PDE7A: variants seen among roughly 807,000 people sequenced by gnomAD.
PDE7A encodes phosphodiesterase 7A.
Under a neutral mutation model 64.3 loss-of-function variants are expected in PDE7A, and 39 were observed. That is an observed-to-expected ratio of 0.61 (90% CI 0.47 to 0.79). The LOEUF (loss-of-function observed/expected upper bound fraction) is 0.79. Among genes scored for constraint, PDE7A ranks in the 30% least tolerant of loss-of-function variants. The pLI is 0.00. For missense variants in PDE7A, 470 were observed against 582.8 expected (o/e 0.81, Z 1.99); for synonymous variants, 203 against 206.8 (o/e 0.98, Z 0.16).
At chr8:65,838,328 T>G (rs1222795769) in intron 1 of PDE7A, 1 of 152,226 alleles carries the variant, frequency 6.6e-6, no homozygotes, top group Non-Finnish European at 1.5e-5. Context: ...GACAAATCTT[T>G]AAACTCAGCT....
At chr8:65,792,516 C>G (rs969610259) in intron 1 of PDE7A, among the ~76,000 whole-genome samples, 3 of 152,248 alleles carry the variant, frequency 2.0e-5, no homozygotes, top group African/African-American at 7.2e-5. Context: ...GCATGTCCCT[C>G]TCTTGCCCAA....
At position 65,754,247 on chromosome 8, in the gene PDE7A, C is replaced by T. The variant is rs374585305; in HGVS notation, c.284-6444G>A. Among the ~76,000 whole-genome samples the T allele has an allele frequency of 6.8e-4, 103 of 152,000 alleles. 2 individuals are homozygous for T. Among genetic ancestry groups the T allele is most frequent in the Admixed American group, 9.2e-4 (14 of 15,264 alleles). ...GCTGGCAGCTGATTAGATGGTGCCC[C>T]CCCGCCCCAAGATTGAGGGTGCGTC... On this transcript the variant is annotated intron_variant, in intron 3 of 12. Coordinates refer to ENST00000401827, the MANE Select transcript of PDE7A (RefSeq NM_001242318.3).
intron 1 of PDE7A, among the ~76,000 whole-genome samples, chr8:65,813,568 T>C (rs1487180431): frequency 6.6e-6 from 1 of 152,174 alleles, no homozygotes; most frequent in Non-Finnish European, 1.5e-5. Context: ...GACAAAAATA[T>C]AAAAACAAGT....
In PDE7A at chr8:65,718,222, C is replaced by T. The variant is rs1806220262; in HGVS notation, c.*1068G>A. 6.6e-6 allele frequency: 1 copy of T among 152,182 alleles called. No individual in the cohort carries two copies. The highest frequency in any genetic ancestry group is 2.4e-5 in the African/African-American group (1 of 41,438). The allele number at this position is 152,182 out of a possible 1,614,324, so 9.4% of individuals were successfully genotyped here. ...TTCTAAAATAATAAATAAAAGCTTA[C>T]ATTTCAAATCTTTGCCCACATGGAG... is the stretch of plus-strand genomic sequence containing the variant. On this transcript the variant is annotated 3_prime_UTR_variant, in exon 13 of 13. Coordinates refer to ENST00000401827, the MANE Select transcript of PDE7A (RefSeq NM_001242318.3).
intron 3 of PDE7A, among the ~76,000 whole-genome samples, chr8:65,762,514 GTTCTGTGACA>G (rs2128915122): frequency 6.6e-6 from 1 of 152,200 alleles, no homozygotes; most frequent in South Asian, 2.1e-4. Flanking sequence ...ACTTTTACTA[GTTCTGTGACA>G]TTAAACAGGT....
chr8:65,723,739 A>G, intron 11 of PDE7A, 118 bp from the exon 12 acceptor site: 1 of 648,078 alleles, frequency 1.5e-6, no homozygotes. Context: ...TCCTCATGAG[A>G]GGACAGCTTC....
intron 1 of PDE7A, among the ~76,000 whole-genome samples, chr8:65,791,285 T>G (rs1318141708): frequency 6.6e-6 from 1 of 152,208 alleles, no homozygotes; most frequent in African/African-American, 2.4e-5. Context: ...TTTCCCAGCT[T>G]TACTGCCATG....
intron 3 of PDE7A, chr8:65,770,990 T>C (rs1230377375): frequency 5.9e-6 from 2 of 337,528 alleles, no homozygotes; most frequent in South Asian, 2.4e-5. Context: ...AGAAGGCCTA[T>C]GGCAAATCCT....
At chr8:65,771,116 C>A in intron 3 of PDE7A, 1 of 282,772 alleles carries the variant, frequency 3.5e-6, no homozygotes, top group Non-Finnish European at 7.0e-6. Flanking sequence ...TGGTTGAGGT[C>A]CTTCTTTTGT....
At chr8:65,754,289 C>T (rs1808111806) in intron 3 of PDE7A, among the ~76,000 whole-genome samples, 1 of 152,128 alleles carries the variant, frequency 6.6e-6, no homozygotes. Flanking sequence ...TCCCAGCCCA[C>T]TCGCTCAAAT....
intron 11 of PDE7A, 32 bp downstream of exon 11, chr8:65,724,223 T>G (rs772141413): frequency 7.5e-7 from 1 of 1,341,002 alleles, no homozygotes; most frequent in East Asian, 2.3e-5. Flanking sequence ...ATGAACTGGA[T>G]AGATTAATTA....
rs1265396570 is a variant in PDE7A, at chr8:65,716,619, C to T, written c.*2671G>A. Among the ~76,000 whole-genome samples, 1 of 152,152 alleles carries T rather than the reference C, an allele frequency of 6.6e-6. No homozygotes were observed. Among genetic ancestry groups the T allele is most frequent in the East Asian group, 1.9e-4 (1 of 5,194 alleles). On this transcript the variant is annotated 3_prime_UTR_variant, in exon 13 of 13. Transcript: ENST00000401827. ...TGCTCACCAGCTGCTCATAATTTGG[C>T]TTCCCAGGAAGATTTGCCTAAAGGG...
chr8:65,726,803 C>T lies in PDE7A; in HGVS notation c.920+72G>A, dbSNP rs1485692738. ...CACCTGAACATAACAATTTTTAAAACTTTATAAAATTACTTTGCCAACTTA... is the reference window on the plus strand; with the variant it reads ...CACCTGAACATAACAATTTTTAAAATTTTATAAAATTACTTTGCCAACTTA... On this transcript the variant is annotated intron_variant, in intron 9 of 12. Transcript: ENST00000401827. 5 of 789,372 alleles carry T rather than the reference C, an allele frequency of 6.3e-6. No individual in the cohort carries two copies. In the East Asian group the frequency reaches 1.0e-4, roughly 16 times the overall value. 48.9% of individuals were successfully genotyped at this position (789,372 alleles called of 1,614,324 possible).
At chr8:65,741,773 T>A (rs1459133038) in intron 5 of PDE7A, among the ~76,000 whole-genome samples, 1 of 152,256 alleles carries the variant, frequency 6.6e-6, no homozygotes, top group Admixed American at 6.5e-5. Context: ...TCATTCTCTG[T>A]ATATTTAGAT....
At chr8:65,784,522 T>A (rs1477757782) in intron 1 of PDE7A, among the ~76,000 whole-genome samples, 1 of 152,152 alleles carries the variant, frequency 6.6e-6, no homozygotes, top group Non-Finnish European at 1.5e-5. Context: ...AACAGGACTG[T>A]ATTTTAAAAA....
chr8:65,750,797 T>C (rs1421658970), intron 3 of PDE7A, among the ~76,000 whole-genome samples: 1 of 152,086 alleles, frequency 6.6e-6, no homozygotes, highest in Non-Finnish European at 1.5e-5. Context: ...CTCATTTTCC[T>C]TAACTGTAAA....
intron 1 of PDE7A, among the ~76,000 whole-genome samples, chr8:65,834,360 A>G (rs1018084628): frequency 1.3e-5 from 2 of 152,200 alleles, no homozygotes; most frequent in Admixed American, 1.3e-4. Context: ...AATTTGTGCT[A>G]ATCAACTGTT....
intron 1 of PDE7A, among the ~76,000 whole-genome samples, chr8:65,828,450 C>G (rs1051924459): frequency 1.3e-5 from 2 of 152,072 alleles, no homozygotes; most frequent in Middle Eastern, 6.8e-3. Context: ...ACAGAGTTTT[C>G]TGTTGAATTA....
chr8:65,781,188 G>A (rs1380182024), intron 2 of PDE7A, among the ~76,000 whole-genome samples: 1 of 152,162 alleles, frequency 6.6e-6, no homozygotes, highest in African/African-American at 2.4e-5. Context: ...CACTGAAAAG[G>A]AGGCATCTGG....
Sources: gnomAD v4.1 joint callset for allele counts (sites outside exome capture counted in the v4.1 genomes callset) on GRCh38, gnomAD v4.1.1 for gene constraint, MANE v1.5 for transcripts, NCBI Gene and HGNC (gene_info 2026-07-23, HGNC 2026-07-21) for gene names.